The following AFAP1L2 variants were observed in gnomAD, a reference collection of about 807,000 sequenced individuals.
AFAP1L2 encodes the protein actin filament-associated protein 1-like 2.
Under a neutral mutation model 99.3 loss-of-function variants are expected in AFAP1L2, and 46 were observed. The ratio of observed to expected loss-of-function variants is 0.46; its 90% CI spans 0.37 to 0.59. The LOEUF is 0.59. Ranked by LOEUF, AFAP1L2 falls within the 20% of genes least tolerant of loss-of-function variation. The pLI is 0.00. For synonymous variants in AFAP1L2, 397 were observed against 419.1 expected, an observed-to-expected ratio of 0.95 and a Z score of 0.64; for missense variants, 959 against 1,034.9, an observed-to-expected ratio of 0.93 and a Z score of 1.01.
intron 5 of AFAP1L2, chr10:114,319,455 C>T (rs955756834): frequency 1.9e-5 from 16 of 849,406 alleles, no homozygotes; most frequent in Admixed American, 1.6e-4. Flanking sequence ...GACTCATGCA[C>T]GAGGACAGGA....
chr10:114,327,617 G>A (rs1037320209), intron 4 of AFAP1L2, among the ~76,000 whole-genome samples: 1 of 152,112 alleles, frequency 6.6e-6, no homozygotes, highest in Admixed American at 6.5e-5. Context: ...AGGGACTTGT[G>A]GCCACTCGGG....
At chr10:114,319,602 C>T in intron 5 of AFAP1L2, 1 of 1,289,722 alleles carries the variant, frequency 7.8e-7, no homozygotes, top group Non-Finnish European at 1.0e-6. Context: ...CGGGCACCTG[C>T]ACCCATCTGG....
chr10:114,356,764 T>C (rs565232465), intron 1 of AFAP1L2, among the ~76,000 whole-genome samples: 2 of 152,324 alleles, frequency 1.3e-5, no homozygotes, highest in South Asian at 2.1e-4. Context: ...TAGTTTTGTA[T>C]CCTAGAGAGC....
intron 1 of AFAP1L2, among the ~76,000 whole-genome samples, chr10:114,342,241 T>C (rs1012644243): frequency 3.3e-5 from 5 of 152,172 alleles, no homozygotes; most frequent in African/African-American, 1.2e-4. Context: ...CACCTGGTGG[T>C]CATCCAACAC....
chr10:114,304,787 C>T lies in AFAP1L2; in HGVS notation c.1216G>A (p.Asp406Asn), dbSNP rs1404566515. The change falls in exon 11 of 19, where the codon GAC becomes AAC. Residue 406 changes from aspartate to asparagine, a missense_variant. Physicochemically the swap from Asp to Asn is conservative, Grantham distance 23. This residue lies in a region of AFAP1L2 where 576 missense variants were observed against 562.1 expected (regional missense o/e 1.02). Transcript: ENST00000304129. ...GAGTAGAGGTGGTCGGGGCTGGGGT[C>T]TGGGACCACCTCGCAGCCCACCAGG... is the stretch of plus-strand genomic sequence containing the variant. ...LSLVGCEVVP[D>N]PSPDHLYSFR... The T allele has an allele frequency of 6.2e-7, 1 of 1,613,072 alleles. No individual in the cohort carries two copies. The highest frequency in any genetic ancestry group is 8.5e-7 in the Non-Finnish European group (1 of 1,179,980).
rs1296208012 is a variant in AFAP1L2, at chr10:114,296,813, A to G, written c.2430+165T>C. ...CCTTTCTGGTTGGTCAGTGCCAGAG[A>G]CTGAGCTGAAGGCATGGCAAAGCCA... On this transcript the variant is annotated intron_variant, in intron 18 of 18. Coordinates refer to ENST00000304129, the MANE Select transcript of AFAP1L2 (RefSeq NM_001001936.3). 8.5e-6 allele frequency: 10 copies of G among 1,175,456 alleles called. No homozygotes were observed. The African/African-American group carries it at 1.4e-4, about 16-fold the overall frequency. The allele number at this position is 1,175,456 out of a possible 1,614,324, so 72.8% of individuals were successfully genotyped here.
At chr10:114,394,129 T>C (rs1194229476) in intron 1 of AFAP1L2, among the ~76,000 whole-genome samples, 1 of 152,108 alleles carries the variant, frequency 6.6e-6, no homozygotes, top group Non-Finnish European at 1.5e-5. Context: ...GACACTAACC[T>C]GCACTGTGCC....
chr10:114,340,409 G>A (rs542614043), intron 2 of AFAP1L2, among the ~76,000 whole-genome samples, 194 bp downstream of exon 2: 8 of 152,250 alleles, frequency 5.3e-5, no homozygotes, highest in South Asian at 2.1e-4. Flanking sequence ...CCATCAGCCC[G>A]CCAGGGAGAG....
chr10:114,306,456 C>A (rs2042472217), intron 10 of AFAP1L2, among the ~76,000 whole-genome samples: 1 of 145,802 alleles, frequency 6.9e-6, no homozygotes, highest in South Asian at 2.2e-4. Flanking sequence ...GCTTCAGAAC[C>A]CATCAGACAC....
At chr10:114,329,343 C>T (rs1296454407) in intron 4 of AFAP1L2, among the ~76,000 whole-genome samples, 1 of 152,170 alleles carries the variant, frequency 6.6e-6, no homozygotes, top group African/African-American at 2.4e-5. Flanking sequence ...ACAGCTGTAG[C>T]CAGGTCCCAG....
chr10:114,390,176 A>G (rs978478716), intron 1 of AFAP1L2, among the ~76,000 whole-genome samples: 1 of 152,144 alleles, frequency 6.6e-6, no homozygotes, highest in Non-Finnish European at 1.5e-5. Context: ...TTCCATCAGC[A>G]CTGTGTATTA....
chr10:114,367,505 G>A (rs1023281300), intron 1 of AFAP1L2, among the ~76,000 whole-genome samples: 8 of 152,160 alleles, frequency 5.3e-5, no homozygotes, highest in Admixed American at 6.5e-5. Flanking sequence ...GGATGTGGTC[G>A]TGGGCAAGAG....
chr10:114,357,538 C>T (rs1430962517), intron 1 of AFAP1L2, among the ~76,000 whole-genome samples: 1 of 152,158 alleles, frequency 6.6e-6, no homozygotes, highest in Non-Finnish European at 1.5e-5. Flanking sequence ...GCCAATATTC[C>T]ATGTTGGATA....
chr10:114,394,971 C>A (rs74366496), intron 1 of AFAP1L2, among the ~76,000 whole-genome samples: 1 of 152,100 alleles, frequency 6.6e-6, no homozygotes, highest in Non-Finnish European at 1.5e-5. Context: ...CCACCATGCA[C>A]GCCACGATCC....
intron 1 of AFAP1L2, among the ~76,000 whole-genome samples, chr10:114,347,170 GC>G (rs1339040601): frequency 6.6e-6 from 1 of 152,158 alleles, no homozygotes; most frequent in East Asian, 1.9e-4. Context: ...ATCCTCATGA[GC>G]CCAACTGCTG....
chr10:114,379,584 A>C (rs888474167), intron 1 of AFAP1L2, among the ~76,000 whole-genome samples: 2 of 152,256 alleles, frequency 1.3e-5, no homozygotes, highest in Non-Finnish European at 2.9e-5. Flanking sequence ...AGACAGACAG[A>C]TGAACATTTT....
intron 1 of AFAP1L2, among the ~76,000 whole-genome samples, chr10:114,361,808 G>A (rs548994616): frequency 2.2e-4 from 34 of 152,226 alleles, no homozygotes; most frequent in Admixed American, 2.2e-3. Context: ...TGGCCCTCTT[G>A]GAGTGTACAT....
At chr10:114,281,642 C>A in the AFAP1L2 span, 3 of 724,452 alleles carry the variant, frequency 4.1e-6, no homozygotes, top group South Asian at 6.2e-5. Context: ...TCTTGACCTG[C>A]AGAGCCTCGT....
At chr10:114,309,745 A>T (rs1214191434) in intron 8 of AFAP1L2, among the ~76,000 whole-genome samples, 3 of 152,156 alleles carry the variant, frequency 2.0e-5, no homozygotes, top group Non-Finnish European at 4.4e-5. Flanking sequence ...TCATAAAATC[A>T]ATCTCCCTAC....
Sources: gnomAD v4.1 joint callset for allele counts (sites outside exome capture counted in the v4.1 genomes callset) on GRCh38, gnomAD v4.1.1 for gene constraint, gnomAD v4.1.1 regional missense constraint, MANE v1.5 for transcripts, NCBI Gene and HGNC (gene_info 2026-07-23, HGNC 2026-07-21) for gene names.